RABGAP1: variants seen among roughly 807,000 people sequenced by gnomAD.
RABGAP1 encodes the protein RAB GTPase activating protein 1, also known as rab GTPase-activating protein 1.
Under a neutral mutation model 137.6 loss-of-function variants are expected in RABGAP1, and 23 were observed. That is an observed-to-expected ratio of 0.17 (90% confidence interval 0.12 to 0.24). The LOEUF (loss-of-function observed/expected upper bound fraction) is 0.24. Ranked by LOEUF, RABGAP1 falls within the 10% of genes least tolerant of loss-of-function variation. The pLI, the probability that RABGAP1 is intolerant of heterozygous loss-of-function variation, is 1.00. For missense variants in RABGAP1, 906 were observed against 1,275.8 expected (o/e 0.71, Z 4.42); for synonymous variants, 451 against 450.7 (o/e 1.00, Z -0.01).
intron 4 of RABGAP1, 32 bp from the exon 5 acceptor site, chr9:122,989,265 T>C (rs756535993): frequency 6.3e-7 from 1 of 1,575,762 alleles, no homozygotes; most frequent in Non-Finnish European, 8.7e-7. Flanking sequence ...TCATAATTCC[T>C]GTAATCTCTC....
chr9:123,027,339 C>T (rs1466288290), intron 13 of RABGAP1, among the ~76,000 whole-genome samples: 1 of 152,166 alleles, frequency 6.6e-6, no homozygotes, highest in Non-Finnish European at 1.5e-5. Context: ...TGGCCTCGAT[C>T]TCTTGACCTT....
At chr9:123,071,295 A>G (rs1360765627) in intron 15 of RABGAP1, 3 of 152,184 alleles carry the variant, frequency 2.0e-5, no homozygotes, top group Non-Finnish European at 4.4e-5. Context: ...CTTTTAATCT[A>G]AATTACTCCT....
At chr9:122,941,674 C>T (rs776202650) in intron 1 of RABGAP1, among the ~76,000 whole-genome samples, 4 of 152,244 alleles carry the variant, frequency 2.6e-5, no homozygotes, top group Non-Finnish European at 4.4e-5. Flanking sequence ...CCAGTCTTCT[C>T]ATCTCCTTGA....
At chr9:123,087,850 C>T (rs2034915816) in intron 19 of RABGAP1, among the ~76,000 whole-genome samples, 1 of 152,140 alleles carries the variant, frequency 6.6e-6, no homozygotes, top group South Asian at 2.1e-4. Flanking sequence ...GACACCAACA[C>T]GCAGCAAATG....
At chr9:122,943,072 C>CTTTTTTTTTTTTTTTT (rs10582436) in intron 1 of RABGAP1, among the ~76,000 whole-genome samples, 1 of 116,224 alleles carries the variant, frequency 8.6e-6, no homozygotes, top group African/African-American at 4.2e-5. Flanking sequence ...GGTGCACTTT[C>CTTTTTTTTTTTTTTTT]TTTTTTTTTT....
In RABGAP1 at chr9:122,996,523, A is replaced by G; in HGVS notation, c.1035-16A>G. 1 of 1,591,826 alleles carries G rather than the reference A, an allele frequency of 6.3e-7. No individual in the cohort carries two copies. The highest frequency in any genetic ancestry group is 8.5e-7 in the Non-Finnish European group (1 of 1,170,308). On this transcript the variant is annotated splice_polypyrimidine_tract_variant and intron_variant, in intron 7 of 25. Transcript: ENST00000373647. ...TTATCTTTTTTCTTAAATTTATGTC[A>G]GTTCTTTTTTTGTAGGTGTTTTGGT...
intron 2 of RABGAP1, among the ~76,000 whole-genome samples, chr9:122,971,105 C>T (rs562708483): frequency 3.0e-4 from 46 of 152,152 alleles, no homozygotes; most frequent in Non-Finnish European, 5.0e-4. Context: ...CTGAGATCTC[C>T]TCAGAAAGTG....
rs2035451808 is a variant in RABGAP1, at chr9:123,104,844, T to A, written c.*1631T>A. 6.6e-6 allele frequency: 1 copy of A among 152,228 alleles called. No homozygotes were observed. Among genetic ancestry groups the A allele is most frequent in the Non-Finnish European group, 1.5e-5 (1 of 68,034 alleles). 9.4% of individuals were successfully genotyped at this position (152,228 alleles called of 1,614,324 possible). ...TGGTTTTATTTTAACAGCATATTGA[T>A]TAAATATTTTGGTACAAACAAACAG... On this transcript the variant is annotated 3_prime_UTR_variant, in exon 26 of 26. Coordinates refer to ENST00000373647, the MANE Select transcript of RABGAP1 (RefSeq NM_012197.4).
chr9:123,099,996 T>G (rs1003274948), intron 24 of RABGAP1, among the ~76,000 whole-genome samples: 2 of 152,152 alleles, frequency 1.3e-5, no homozygotes, highest in African/African-American at 4.8e-5. Flanking sequence ...TTTTTATTTT[T>G]TTTTATTTTT....
intron 13 of RABGAP1, among the ~76,000 whole-genome samples, chr9:123,044,741 C>T (rs584048): frequency 0.62 from 94,869 of 151,812 alleles, 36,770 homozygotes; most frequent in Non-Finnish European, 0.86. Context: ...TGCAAAATGC[C>T]ATGTAGTGTT....
intron 1 of RABGAP1, among the ~76,000 whole-genome samples, chr9:122,953,808 T>C (rs1205174034): frequency 1.3e-5 from 2 of 152,234 alleles, no homozygotes; most frequent in African/African-American, 4.8e-5. Flanking sequence ...CCTTACTTTT[T>C]CCTTGGGTGG....
intron 22 of RABGAP1, among the ~76,000 whole-genome samples, chr9:123,098,291 C>A (rs1439221459): frequency 2.6e-5 from 4 of 152,206 alleles, no homozygotes; most frequent in Non-Finnish European, 5.9e-5. Flanking sequence ...GGGAGCAGTC[C>A]CCTCCCCTGT....
chr9:123,025,975 T>A (rs1264928364), intron 13 of RABGAP1, among the ~76,000 whole-genome samples: 1 of 151,974 alleles, frequency 6.6e-6, no homozygotes, highest in Non-Finnish European at 1.5e-5. Flanking sequence ...TAAAATGGTT[T>A]TAGTTTTTCA....
Position 123,015,256 on chromosome 9 carries a change from T to C in RABGAP1, c.1550-287T>C, listed in dbSNP as rs112026303. Among the ~76,000 whole-genome samples the C allele has an allele frequency of 1.3e-3, 199 of 151,870 alleles. 2 individuals are homozygous for C. The highest frequency in any genetic ancestry group is 4.3e-3 in the African/African-American group (179 of 41,432). The stretch of plus-strand genomic sequence containing the variant: ...TGGAAAATGAGAGAAAATACCATAT[T>C]TTGAATCCTATAGTTTTATAATTAA... On this transcript the variant is annotated intron_variant, in intron 11 of 25. Transcript: ENST00000373647.
chr9:122,934,234 C>A, the RABGAP1 span, among the ~76,000 whole-genome samples: 1 of 151,878 alleles, frequency 6.6e-6, no homozygotes, highest in Non-Finnish European at 1.5e-5. Flanking sequence ...CGTGCCACCA[C>A]ACCCGGCTAA....
intron 10 of RABGAP1, among the ~76,000 whole-genome samples, chr9:123,008,719 C>T (rs2030532801): frequency 1.3e-5 from 2 of 151,922 alleles, no homozygotes; most frequent in South Asian, 4.1e-4. Flanking sequence ...GAACATGTAT[C>T]AAATATTCTA....
At chr9:123,069,225 C>T (rs1278008022) in intron 14 of RABGAP1, among the ~76,000 whole-genome samples, 4 of 152,192 alleles carry the variant, frequency 2.6e-5, no homozygotes, top group African/African-American at 9.7e-5. Flanking sequence ...CAAATGGTTT[C>T]AGAGTAATCT....
At chr9:122,943,082 T>C (rs1358378151) in intron 1 of RABGAP1, among the ~76,000 whole-genome samples, 3 of 29,402 alleles carry the variant, frequency 1.0e-4, no homozygotes, top group East Asian at 8.6e-4. Context: ...CTTTTTTTTT[T>C]TTTTTTTTTT....
rs951042890 is a variant in RABGAP1 at position 122,941,040 on chromosome 9, C to T, written c.-103C>T. 5 of 152,640 alleles carry T rather than the reference C, an allele frequency of 3.3e-5. No individual in the cohort carries two copies. Among genetic ancestry groups the T allele is most frequent in the South Asian group, 2.1e-4 (1 of 4,844 alleles). The allele number at this position is 152,640 out of a possible 1,614,324, so 9.5% of individuals were successfully genotyped here. A position where few individuals can be genotyped will look rare whatever the true frequency, so the allele number is the denominator to read the frequency against. On this transcript the variant is annotated 5_prime_UTR_variant, in exon 1 of 26. Transcript: ENST00000373647. Reference sequence around the variant, plus strand: ...AGGGCGGTTTGGGAGGCCCAGGCGGCGGAGCCTCCGGGACGGCGAGCGGCG... The same window carrying T: ...AGGGCGGTTTGGGAGGCCCAGGCGGTGGAGCCTCCGGGACGGCGAGCGGCG...
Sources: allele counts gnomAD v4.1 joint callset (sites outside exome capture counted in the v4.1 genomes callset), GRCh38; gene constraint gnomAD v4.1.1; transcripts MANE v1.5; gene names NCBI Gene and HGNC (gene_info 2026-07-23, HGNC 2026-07-21).